Variants in AGBL4 observed in about 807,000 individuals in gnomAD.
AGBL4 encodes AGBL carboxypeptidase 4, also known as cytosolic carboxypeptidase 6.
In AGBL4, 58 loss-of-function variants were observed where a neutral mutation model predicts 66.4. That is an observed-to-expected ratio of 0.87 (90% CI 0.71 to 1.09). AGBL4 has a LOEUF of 1.09. Among genes scored for constraint, AGBL4 ranks in the 50% least tolerant of loss-of-function variants. AGBL4 has a pLI of 0.00. For synonymous variants in AGBL4, 234 were observed against 222.9 expected (o/e 1.05, Z -0.44); for missense variants, 579 against 631.0 (o/e 0.92, Z 0.88).
At chr1:49,041,495 T>C (rs1359461604) in intron 5 of AGBL4, among the ~76,000 whole-genome samples, 1 of 152,088 alleles carries the variant, frequency 6.6e-6, no homozygotes, top group South Asian at 2.1e-4. Flanking sequence ...AATCCCTTTC[T>C]CAAAAATCTT....
intron 3 of AGBL4, among the ~76,000 whole-genome samples, chr1:49,428,797 T>C (rs915377100): frequency 6.6e-6 from 1 of 152,230 alleles, no homozygotes; most frequent in African/African-American, 2.4e-5. Context: ...AGAGCCAATC[T>C]GGTTCACTTT....
In AGBL4 at chr1:49,214,818, G is replaced by A. The variant is rs72897719; in HGVS notation, c.377+30952C>T. ...GACCTGAAAACCTTGAGATTGAAGC[G>A]GTGGGTAAGGGATAAAGGGAGTATC... is the stretch of plus-strand genomic sequence containing the variant. On this transcript the variant is annotated intron_variant, in intron 4 of 13. Transcript: ENST00000371839. Among the ~76,000 whole-genome samples, 1,359 of 152,162 alleles carry A rather than the reference G, an allele frequency of 8.9e-3. 17 individuals carry two copies. The highest frequency in any genetic ancestry group is 0.03 in the African/African-American group (1,254 of 41,506).
intron 3 of AGBL4, among the ~76,000 whole-genome samples, chr1:49,409,149 G>GCTCCCTCTCT (rs1553197344): frequency 2.5e-4 from 36 of 146,068 alleles, no homozygotes; most frequent in South Asian, 2.2e-3. Context: ...ACTCTCTCTG[G>GCTCCCTCTCT]CTCTCTCTCT....
intron 5 of AGBL4, among the ~76,000 whole-genome samples, chr1:48,873,920 C>T (rs540874254): frequency 5.3e-5 from 8 of 152,166 alleles, no homozygotes; most frequent in South Asian, 2.1e-4. Context: ...TGAGAAGGGA[C>T]GTGTTGTTCT....
intron 9 of AGBL4, among the ~76,000 whole-genome samples, chr1:48,615,605 C>G (rs1645305721): frequency 6.6e-6 from 1 of 152,192 alleles, no homozygotes; most frequent in East Asian, 1.9e-4. Context: ...GAAAATGAAC[C>G]CAGAACTCTA....
At chr1:49,743,279 G>A (rs1407031627) in intron 2 of AGBL4, among the ~76,000 whole-genome samples, 2 of 152,180 alleles carry the variant, frequency 1.3e-5, no homozygotes, top group Non-Finnish European at 2.9e-5. Flanking sequence ...AGACATTTAT[G>A]CAGCCAACAG....
intron 3 of AGBL4, among the ~76,000 whole-genome samples, chr1:49,625,774 T>A (rs1202626834): frequency 6.6e-6 from 1 of 152,158 alleles, no homozygotes; most frequent in Non-Finnish European, 1.5e-5. Flanking sequence ...ATTAGTAGAA[T>A]CTTGGAAGGA....
At chr1:49,852,477 T>C (rs1455853416) in intron 1 of AGBL4, among the ~76,000 whole-genome samples, 1 of 152,118 alleles carries the variant, frequency 6.6e-6, no homozygotes, top group Non-Finnish European at 1.5e-5. Flanking sequence ...AGAAGGAAGA[T>C]TACAGGCAAG....
chr1:48,782,915 C>A (rs982767202), intron 6 of AGBL4, among the ~76,000 whole-genome samples: 1 of 152,300 alleles, frequency 6.6e-6, no homozygotes, highest in Non-Finnish European at 1.5e-5. Flanking sequence ...CTGTGTTCCA[C>A]CTATTTAGCC....
chr1:48,912,709 GA>G (rs1653248438), intron 5 of AGBL4, among the ~76,000 whole-genome samples: 1 of 152,150 alleles, frequency 6.6e-6, no homozygotes, highest in African/African-American at 2.4e-5. Context: ...AGCCCCTAAT[GA>G]AACCTCATGT....
chr1:49,311,756 T>A (rs1206966805), intron 3 of AGBL4, among the ~76,000 whole-genome samples: 1 of 152,030 alleles, frequency 6.6e-6, no homozygotes, highest in Non-Finnish European at 1.5e-5. Context: ...CCAGGTATCA[T>A]CTTTCAAAAC....
intron 1 of AGBL4, among the ~76,000 whole-genome samples, chr1:49,929,966 C>T (rs1462454494): frequency 1.3e-5 from 2 of 151,616 alleles, no homozygotes; most frequent in Non-Finnish European, 2.9e-5. Flanking sequence ...AAATCCATCA[C>T]TAAAATAACA....
intron 5 of AGBL4, among the ~76,000 whole-genome samples, chr1:48,904,615 C>T (rs1023463503): frequency 8.5e-5 from 13 of 152,108 alleles, no homozygotes; most frequent in African/African-American, 1.2e-4. Flanking sequence ...AATAACCATG[C>T]CTTTCTGTGC....
intron 3 of AGBL4, among the ~76,000 whole-genome samples, chr1:49,603,303 A>G (rs1273264610): frequency 6.6e-6 from 1 of 152,168 alleles, no homozygotes; most frequent in Admixed American, 6.5e-5. Flanking sequence ...TTTTGAAAGA[A>G]GCAAAAGACA....
In AGBL4 at chr1:49,032,126, G is replaced by T. The variant is rs190801401; in HGVS notation, c.594+13458C>A. On this transcript the variant is annotated intron_variant, in intron 5 of 13. Coordinates refer to ENST00000371839, the MANE Select transcript of AGBL4 (RefSeq NM_032785.4). Reference sequence around the variant, plus strand: ...ATGGTCACAGAAAGAACTGTAAGAAGGCCAGTGTGGGTAGACCATAGGCAG... The same window carrying T: ...ATGGTCACAGAAAGAACTGTAAGAATGCCAGTGTGGGTAGACCATAGGCAG... 2.4e-3 allele frequency among the ~76,000 whole-genome samples: 358 copies of T among 152,290 alleles called. 1 individual carries two copies. The highest frequency in any genetic ancestry group is 4.8e-3 in the South Asian group (23 of 4,830).
At chr1:49,691,171 G>A (rs1461964374) in intron 3 of AGBL4, 2 of 152,216 alleles carry the variant, frequency 1.3e-5, no homozygotes, top group Non-Finnish European at 1.5e-5. Context: ...ATCTGTTGTG[G>A]TGGTAGTTTT....
intron 2 of AGBL4, among the ~76,000 whole-genome samples, chr1:49,816,847 T>A (rs1264048124): frequency 6.6e-6 from 1 of 152,098 alleles, no homozygotes; most frequent in South Asian, 2.1e-4. Flanking sequence ...CAGACTGGGA[T>A]AGAAGTCAAA....
chr1:49,575,201 A>C (rs1644411929), intron 3 of AGBL4, among the ~76,000 whole-genome samples: 1 of 152,194 alleles, frequency 6.6e-6, no homozygotes, highest in Admixed American at 6.5e-5. Context: ...GACCCAAAAC[A>C]TCATTGTCAT....
At chr1:49,012,129 A>C (rs1026411761) in intron 5 of AGBL4, among the ~76,000 whole-genome samples, 2 of 152,070 alleles carry the variant, frequency 1.3e-5, no homozygotes, top group African/African-American at 4.8e-5. Context: ...AAAAGCAGGC[A>C]GATTACAGGG....
Sources: gnomAD v4.1 joint callset for allele counts (sites outside exome capture counted in the v4.1 genomes callset) on GRCh38, gnomAD v4.1.1 for gene constraint, MANE v1.5 for transcripts, NCBI Gene and HGNC (gene_info 2026-07-23, HGNC 2026-07-21) for gene names.